GSE1: variants seen among roughly 807,000 people sequenced by gnomAD.
GSE1 encodes the protein genetic suppressor element 1.
A neutral mutation model predicts 112.6 loss-of-function variants in GSE1; 32 were observed. The observed-to-expected ratio is 0.28, with a 90% CI of 0.21 to 0.38. The LOEUF (loss-of-function observed/expected upper bound fraction) is 0.38, where lower values mean the gene tolerates loss of function less well. GSE1 is among the 10% of genes least tolerant of loss of function. GSE1 has a pLI of 1.00. For missense variants in GSE1, 2,348 were observed against 1,699.2 expected (o/e 1.38, Z -6.71); for synonymous variants, 1,115 against 735.6 (o/e 1.52, Z -8.35).
At chr16:85,308,190 C>A (rs1018067159) in intron 1 of GSE1, among the ~76,000 whole-genome samples, 24 of 152,124 alleles carry the variant, frequency 1.6e-4, no homozygotes, top group Admixed American at 1.6e-3. Flanking sequence ...TCTTTGAATT[C>A]CAAAGAGACA....
intron 1 of GSE1, among the ~76,000 whole-genome samples, chr16:85,254,188 G>A (rs984556718): frequency 2.0e-5 from 3 of 152,206 alleles, no homozygotes; most frequent in African/African-American, 7.2e-5. Flanking sequence ...GTACTCTGGT[G>A]CACAGAGAGG....
chr16:85,641,315 G>A (rs755928894), intron 2 of GSE1, among the ~76,000 whole-genome samples: 5 of 152,324 alleles, frequency 3.3e-5, no homozygotes, highest in Admixed American at 1.3e-4. Flanking sequence ...ATCCGCCCCC[G>A]GCAAAACGCA....
chr16:85,478,938 T>C (rs8061224), intron 2 of GSE1, among the ~76,000 whole-genome samples: 1 of 122,288 alleles, frequency 8.2e-6, no homozygotes, highest in African/African-American at 3.1e-5. Context: ...TCTTTCTTTC[T>C]TTCTTTCTTT....
At chr16:85,367,674 A>T (rs2047212616) in intron 2 of GSE1, among the ~76,000 whole-genome samples, 1 of 152,166 alleles carries the variant, frequency 6.6e-6, no homozygotes, top group African/African-American at 2.4e-5. Flanking sequence ...GCTTACCCTC[A>T]CCATGAAGGC....
At chr16:85,196,640 C>T (rs2074933368) in intron 1 of GSE1, among the ~76,000 whole-genome samples, 3 of 152,096 alleles carry the variant, frequency 2.0e-5, no homozygotes, top group African/African-American at 7.2e-5. Flanking sequence ...GTGCTCTTTC[C>T]CCGGTTGCTG....
At chr16:85,663,669 C>T (rs1169088458) in intron 11 of GSE1, 55 bp downstream of exon 11, 7 of 1,553,094 alleles carry the variant, frequency 4.5e-6, no homozygotes, top group East Asian at 2.3e-5. Context: ...AAGTGGGTTT[C>T]TGAAGCAGCA....
intron 2 of GSE1, among the ~76,000 whole-genome samples, chr16:85,426,060 T>A (rs78277617): frequency 0.23 from 32,285 of 137,668 alleles, 4,058 homozygotes; most frequent in African/African-American, 0.34. Flanking sequence ...GATGGATGGA[T>A]GGATGGATGG....
intron 1 of GSE1, among the ~76,000 whole-genome samples, chr16:85,271,304 C>T (rs6564115): frequency 0.53 from 80,841 of 152,012 alleles, 21,984 homozygotes; most frequent in Non-Finnish European, 0.59. Context: ...CCTCTTCCTC[C>T]CCTGCCCCTC....
intron 1 of GSE1, among the ~76,000 whole-genome samples, chr16:85,297,086 G>A (rs951219005): frequency 1.6e-4 from 24 of 152,248 alleles, no homozygotes; most frequent in African/African-American, 5.8e-4. Context: ...TGAGTGGGGA[G>A]GTTGGGGGGT....
intron 1 of GSE1, among the ~76,000 whole-genome samples, chr16:85,300,071 G>A (rs1326116566): frequency 6.6e-6 from 1 of 151,824 alleles, no homozygotes; most frequent in African/African-American, 2.4e-5. Flanking sequence ...GAGTGCAATG[G>A]CACCATCTCA....
At chr16:85,484,142 T>C (rs1343910958) in intron 2 of GSE1, among the ~76,000 whole-genome samples, 3 of 152,218 alleles carry the variant, frequency 2.0e-5, no homozygotes, top group Non-Finnish European at 4.4e-5. Flanking sequence ...ATATGCCCCT[T>C]CATAGAACCG....
intron 2 of GSE1, among the ~76,000 whole-genome samples, chr16:85,386,376 C>T (rs1325709881): frequency 6.6e-6 from 1 of 152,208 alleles, no homozygotes. Flanking sequence ...GTCTCTTGCC[C>T]CATCTTACCT....
At chr16:85,217,325 C>T (rs551611871) in intron 1 of GSE1, among the ~76,000 whole-genome samples, 41 of 152,190 alleles carry the variant, frequency 2.7e-4, no homozygotes, top group South Asian at 8.3e-4. Context: ...GTTTTCATTT[C>T]TGTGCTGTGT....
intron 1 of GSE1, among the ~76,000 whole-genome samples, chr16:85,560,241 T>G (rs947536092): frequency 4.0e-5 from 6 of 150,818 alleles, no homozygotes; most frequent in Non-Finnish European, 8.8e-5. Context: ...GTTCAAGCGA[T>G]TGTCCTGCCT....
chr16:85,459,240 T>C (rs1010392940), intron 2 of GSE1, among the ~76,000 whole-genome samples: 1 of 152,134 alleles, frequency 6.6e-6, no homozygotes, highest in Admixed American at 6.5e-5. Flanking sequence ...ACCCTCTGTG[T>C]CTCCACATGC....
At position 85,661,731 on chromosome 16, in the gene GSE1, G is replaced by A; in HGVS notation, c.2226G>A (p.Leu742=). The stretch of plus-strand genomic sequence containing the variant: ...GGAGGCTGGTCAGCAAGCTGGACCT[G>A]GAGGAGCGCAGGCGGCGGGAGGCCC... ...QRRRLVSKLD[L]EERRRREAQE... is the part of the protein sequence containing the mutation. Residue 742 remains leucine, a synonymous_variant, in exon 9 of 16, where the codon CTG becomes CTA. Transcript: ENST00000253458. The A allele has an allele frequency of 6.3e-7, 1 of 1,575,342 alleles. No homozygotes were observed. Among genetic ancestry groups the A allele is most frequent in the Non-Finnish European group, 8.6e-7 (1 of 1,159,440 alleles).
chr16:85,496,070 A>C (rs12925726), intron 2 of GSE1, among the ~76,000 whole-genome samples: 62,890 of 152,112 alleles, frequency 0.41, 13,337 homozygotes, highest in African/African-American at 0.47. Context: ...TCCCGGGTGC[A>C]GAATCCATCC....
intron 1 of GSE1, among the ~76,000 whole-genome samples, chr16:85,570,706 G>A (rs1431809829): frequency 6.6e-6 from 1 of 152,222 alleles, no homozygotes. Flanking sequence ...GGAAAGAGAC[G>A]TTGGCTTCTT....
chr16:85,462,039 C>T (rs2049982689), intron 2 of GSE1, among the ~76,000 whole-genome samples: 2 of 152,208 alleles, frequency 1.3e-5, no homozygotes, highest in Admixed American at 1.3e-4. Context: ...GGCCAGCAGG[C>T]CCCCGGGGAG....
Sources: gnomAD v4.1 joint callset for allele counts (sites outside exome capture counted in the v4.1 genomes callset) on GRCh38, gnomAD v4.1.1 for gene constraint, MANE v1.5 for transcripts, NCBI Gene and HGNC (gene_info 2026-07-23, HGNC 2026-07-21) for gene names.